The following C12orf54 variants were observed in gnomAD, a reference collection of about 807,000 sequenced individuals.
The protein encoded by C12orf54 is uncharacterized protein C12orf54.
Under a neutral mutation model 26.4 loss-of-function variants are expected in C12orf54, and 24 were observed. The ratio of observed to expected loss-of-function variants is 0.91; its 90% confidence interval spans 0.66 to 1.28. C12orf54 has a LOEUF of 1.28. Ranked by LOEUF, C12orf54 falls within the 50% of genes most tolerant of loss-of-function variation. C12orf54 has a pLI of 0.00. For missense variants in C12orf54, 154 were observed against 150.9 expected, an observed-to-expected ratio of 1.02 and a Z score of -0.11; for synonymous variants, 54 against 47.0, an observed-to-expected ratio of 1.15 and a Z score of -0.61.
intron 7 of C12orf54, among the ~76,000 whole-genome samples, 165 bp from the exon 8 acceptor site, chr12:48,494,633 T>C (rs1937870120): frequency 6.6e-6 from 1 of 152,158 alleles, no homozygotes; most frequent in South Asian, 2.1e-4. Context: ...AGCTTTTTCC[T>C]GTGAGCCATG....
the C12orf54 span, among the ~76,000 whole-genome samples, chr12:48,456,018 T>A: frequency 2.6e-5 from 4 of 152,244 alleles, no homozygotes; most frequent in Non-Finnish European, 4.4e-5. Flanking sequence ...ATCTCATTTC[T>A]TCTCACAAAA....
chr12:48,452,146 A>C, the C12orf54 span, among the ~76,000 whole-genome samples: 2 of 152,178 alleles, frequency 1.3e-5, no homozygotes, highest in Non-Finnish European at 2.9e-5. Flanking sequence ...CACATAAATC[A>C]ATGGAACAGA....
chr12:48,485,739 A>G (rs1482612932), intron 2 of C12orf54, among the ~76,000 whole-genome samples: 1 of 152,146 alleles, frequency 6.6e-6, no homozygotes, highest in South Asian at 2.1e-4. Flanking sequence ...TTCCCACCCC[A>G]TCAGAAGTCA....
the C12orf54 span, among the ~76,000 whole-genome samples, chr12:48,451,093 T>A: frequency 6.6e-6 from 1 of 152,092 alleles, no homozygotes; most frequent in South Asian, 2.1e-4. Flanking sequence ...AATAAAATAC[T>A]ACCAAACCAA....
chr12:48,468,757 C>A, the C12orf54 span, among the ~76,000 whole-genome samples: 7 of 152,124 alleles, frequency 4.6e-5, no homozygotes, highest in East Asian at 3.9e-4. Flanking sequence ...AGCCCACATG[C>A]ACCTCTGTCT....
At chr12:48,433,472 G>T in the C12orf54 span, among the ~76,000 whole-genome samples, 1 of 149,074 alleles carries the variant, frequency 6.7e-6, no homozygotes, top group South Asian at 2.1e-4. Flanking sequence ...GGGGGGGGCA[G>T]GATCTTGCTC....
the C12orf54 span, among the ~76,000 whole-genome samples, chr12:48,416,797 G>A: frequency 1.3e-5 from 2 of 152,096 alleles, no homozygotes; most frequent in Non-Finnish European, 2.9e-5. Context: ...AGGAGGTGGG[G>A]GTTGCAGTGG....
chr12:48,443,897 G>A, the C12orf54 span, among the ~76,000 whole-genome samples: 1 of 152,154 alleles, frequency 6.6e-6, no homozygotes, highest in South Asian at 2.1e-4. Flanking sequence ...AGGACTTATG[G>A]TTTCTCTCCC....
rs74535295 is a variant in C12orf54 at position 48,494,089 on chromosome 12, G to T, written c.243-709G>T. Among the ~76,000 whole-genome samples, 3 of 47,710 alleles carry T rather than the reference G, an allele frequency of 6.3e-5. 1 individual carries two copies. The highest frequency in any genetic ancestry group is 1.2e-4 in the Non-Finnish European group (3 of 25,786). 31.3% of individuals were successfully genotyped at this position (47,710 alleles called of 152,430 possible). A position where few individuals can be genotyped will look rare whatever the true frequency, so the allele number is the denominator to read the frequency against. Reference sequence around the variant, plus strand: ...CAAAAATTAGCTGGGCGTGGTGGCAGGTGCCTGTAACCCCAGCTACTCGGG... The same window carrying T: ...CAAAAATTAGCTGGGCGTGGTGGCATGTGCCTGTAACCCCAGCTACTCGGG... On this transcript the variant is annotated intron_variant, in intron 7 of 8. Transcript: ENST00000548364.
the C12orf54 span, among the ~76,000 whole-genome samples, chr12:48,456,535 A>T: frequency 6.6e-6 from 1 of 152,192 alleles, no homozygotes; most frequent in Non-Finnish European, 1.5e-5. Flanking sequence ...TGGACTCTGG[A>T]GCCAAAGAGG....
chr12:48,488,957 G>A lies in C12orf54; in HGVS notation c.168+1G>A. 1.2e-6 allele frequency: 2 copies of A among 1,611,554 alleles called. No homozygotes were observed. The highest frequency in any genetic ancestry group is 1.7e-6 in the Non-Finnish European group (2 of 1,178,100). On this transcript the variant is annotated splice_donor_variant, in intron 5 of 8. Transcript: ENST00000548364. LOFTEE classifies it high-confidence loss of function. ...AGTTTTTAAGGATATACAAAAGGAG[G>A]TGAGATTAGATTTTGATTCTCTGAA...
the C12orf54 span, among the ~76,000 whole-genome samples, chr12:48,475,857 C>A: frequency 6.6e-6 from 1 of 152,160 alleles, no homozygotes; most frequent in Non-Finnish European, 1.5e-5. Flanking sequence ...CCCAATCTAA[C>A]AAGGCAGGCC....
At chr12:48,453,533 A>G in the C12orf54 span, among the ~76,000 whole-genome samples, 1 of 105,314 alleles carries the variant, frequency 9.5e-6, no homozygotes, top group African/African-American at 2.8e-5. Context: ...GTATATATAT[A>G]CACATACATA....
the C12orf54 span, among the ~76,000 whole-genome samples, chr12:48,468,626 C>A: frequency 6.6e-6 from 1 of 152,104 alleles, no homozygotes; most frequent in Non-Finnish European, 1.5e-5. Context: ...ATATTAATAT[C>A]AGACAAAGCA....
At chr12:48,472,577 G>T in the C12orf54 span, 1 of 1,516,232 alleles carries the variant, frequency 6.6e-7, no homozygotes, top group Non-Finnish European at 9.0e-7. Context: ...AGCAGAGCTG[G>T]TTGAGCTTTC....
At chr12:48,422,524 T>G in the C12orf54 span, among the ~76,000 whole-genome samples, 1 of 152,164 alleles carries the variant, frequency 6.6e-6, no homozygotes, top group East Asian at 1.9e-4. Context: ...TCTTCTACAC[T>G]GAGTAAAAAA....
At chr12:48,459,032 C>T in the C12orf54 span, among the ~76,000 whole-genome samples, 1 of 152,090 alleles carries the variant, frequency 6.6e-6, no homozygotes, top group South Asian at 2.1e-4. Flanking sequence ...CTATCCTCCT[C>T]TTCAGGAATC....
At chr12:48,488,747 T>C (rs1937716149) in intron 4 of C12orf54, among the ~76,000 whole-genome samples, 177 bp from the exon 5 acceptor site, 1 of 152,216 alleles carries the variant, frequency 6.6e-6, no homozygotes, top group South Asian at 2.1e-4. Flanking sequence ...GAGGTTTCTG[T>C]AGAGTGGAAG....
the C12orf54 span, among the ~76,000 whole-genome samples, chr12:48,434,629 G>A: frequency 6.0e-4 from 92 of 152,276 alleles, no homozygotes; most frequent in Admixed American, 5.0e-3. Flanking sequence ...TGCAGCCACC[G>A]CTGCTGATAC....
Sources: gnomAD v4.1 joint callset for allele counts (sites outside exome capture counted in the v4.1 genomes callset) on GRCh38, gnomAD v4.1.1 for gene constraint, MANE v1.5 for transcripts, NCBI Gene and HGNC (gene_info 2026-07-23, HGNC 2026-07-21) for gene names.